SLC35F4: variants seen among roughly 807,000 people sequenced by gnomAD.
The protein encoded by SLC35F4 is solute carrier family 35 member F4, also known as chromosome 14 open reading frame 36.
Under a neutral mutation model 44.2 loss-of-function variants are expected in SLC35F4, and 24 were observed. The ratio of observed to expected loss-of-function variants is 0.54; its 90% CI spans 0.39 to 0.76. The LOEUF (loss-of-function observed/expected upper bound fraction) is 0.76. Among genes scored for constraint, SLC35F4 ranks in the 30% least tolerant of loss-of-function variants. The pLI is 0.00. For missense variants in SLC35F4, 562 were observed against 586.1 expected (o/e 0.96, Z 0.42); for synonymous variants, 238 against 223.6 (o/e 1.06, Z -0.57).
At chr14:57,834,936 G>A (rs923889517) in intron 1 of SLC35F4, among the ~76,000 whole-genome samples, 1 of 152,236 alleles carries the variant, frequency 6.6e-6, no homozygotes, top group Non-Finnish European at 1.5e-5. Flanking sequence ...GGCTGAGGCA[G>A]GAGAATTGCT....
chr14:57,896,922 T>C (rs1157314053), intron 1 of SLC35F4, among the ~76,000 whole-genome samples: 6 of 152,186 alleles, frequency 3.9e-5, no homozygotes, highest in African/African-American at 1.4e-4. Context: ...TTTTCATTGA[T>C]TAGGCCATAA....
intron 1 of SLC35F4, among the ~76,000 whole-genome samples, chr14:57,943,488 A>T (rs1346291982): frequency 6.6e-6 from 1 of 152,206 alleles, no homozygotes; most frequent in Non-Finnish European, 1.5e-5. Context: ...TTTCTAGTTC[A>T]TATATTTCCT....
At chr14:57,714,287 G>C (rs529793473) in intron 1 of SLC35F4, among the ~76,000 whole-genome samples, 5 of 152,098 alleles carry the variant, frequency 3.3e-5, no homozygotes, top group African/African-American at 4.8e-5. Flanking sequence ...GAAAATAGGA[G>C]AGTTTTGCCT....
At chr14:57,829,918 A>G (rs1179903320) in intron 1 of SLC35F4, among the ~76,000 whole-genome samples, 3 of 152,204 alleles carry the variant, frequency 2.0e-5, no homozygotes, top group African/African-American at 7.2e-5. Context: ...TTTTAACAGG[A>G]GAGTGACTTT....
chr14:57,710,549 G>T (rs2075792661), intron 1 of SLC35F4, among the ~76,000 whole-genome samples: 1 of 152,102 alleles, frequency 6.6e-6, no homozygotes, highest in Non-Finnish European at 1.5e-5. Flanking sequence ...CATGCACCTG[G>T]AAAAGCCACA....
intron 1 of SLC35F4, among the ~76,000 whole-genome samples, chr14:57,952,118 C>G (rs190560791): frequency 4.7e-4 from 71 of 152,310 alleles, no homozygotes; most frequent in Admixed American, 8.5e-4. Context: ...TGTTTTGCAG[C>G]CTTCGCTGGT....
intron 1 of SLC35F4, among the ~76,000 whole-genome samples, chr14:57,847,375 G>C (rs553575028): frequency 6.6e-6 from 1 of 152,124 alleles, no homozygotes; most frequent in East Asian, 1.9e-4. Context: ...TCTTATACTG[G>C]TAAGGGATAA....
At chr14:57,740,223 A>T (rs926310861) in intron 1 of SLC35F4, among the ~76,000 whole-genome samples, 2 of 151,662 alleles carry the variant, frequency 1.3e-5, no homozygotes, top group Non-Finnish European at 3.0e-5. Flanking sequence ...AGAATGATAT[A>T]AAAAAACCAC....
chr14:57,741,404 T>G (rs573159462), intron 1 of SLC35F4, among the ~76,000 whole-genome samples: 2 of 152,258 alleles, frequency 1.3e-5, no homozygotes, highest in Admixed American at 6.5e-5. Flanking sequence ...AATGACCTGA[T>G]GGAGCTGAAA....
intron 1 of SLC35F4, among the ~76,000 whole-genome samples, chr14:57,922,511 C>A (rs1041351570): frequency 4.3e-4 from 66 of 152,116 alleles, no homozygotes; most frequent in African/African-American, 1.6e-3. Context: ...TTTCCTAGGG[C>A]AAAGGAGGAG....
At chr14:57,699,976 AC>A (rs2075490967) in intron 1 of SLC35F4, among the ~76,000 whole-genome samples, 1 of 152,202 alleles carries the variant, frequency 6.6e-6, no homozygotes, top group African/African-American at 2.4e-5. Context: ...TGCAGGAGAT[AC>A]ATTCCAGGAT....
At chr14:57,861,123 C>A (rs1459016971) in intron 1 of SLC35F4, among the ~76,000 whole-genome samples, 1 of 152,058 alleles carries the variant, frequency 6.6e-6, no homozygotes, top group Non-Finnish European at 1.5e-5. Flanking sequence ...TTCCCCAGTC[C>A]ATTCACTCTC....
At chr14:57,868,921 T>C (rs1888238767), upstream of SLC35F4, among the ~76,000 whole-genome samples, 1 of 152,212 alleles carries the variant, frequency 6.6e-6, no homozygotes, top group South Asian at 2.1e-4. Flanking sequence ...TAAATGAAGA[T>C]TGAAGGTCAT....
chr14:57,689,599 T>C (rs1392795177), intron 1 of SLC35F4, among the ~76,000 whole-genome samples: 1 of 152,180 alleles, frequency 6.6e-6, no homozygotes, highest in South Asian at 2.1e-4. Context: ...CTTAAGAATT[T>C]TCAATGGCTA....
At chr14:57,644,960 G>A (rs2073431590) in intron 1 of SLC35F4, among the ~76,000 whole-genome samples, 1 of 152,138 alleles carries the variant, frequency 6.6e-6, no homozygotes, top group Admixed American at 6.5e-5. Flanking sequence ...TGAGAGCTCT[G>A]TTTTGTTCCA....
At chr14:57,881,773 T>C (rs1347716931) in intron 1 of SLC35F4, among the ~76,000 whole-genome samples, 1 of 151,152 alleles carries the variant, frequency 6.6e-6, no homozygotes, top group African/African-American at 2.5e-5. Flanking sequence ...ACCCCTACTA[T>C]GTAGATTTGG....
chr14:57,582,358 G>A (rs2069345686), intron 3 of SLC35F4, among the ~76,000 whole-genome samples: 1 of 152,030 alleles, frequency 6.6e-6, no homozygotes, highest in Non-Finnish European at 1.5e-5. Flanking sequence ...ACCATGCCAG[G>A]CTAGTTTTTG....
In SLC35F4 at chr14:57,581,393, T is replaced by G. The variant is rs1046716519; in HGVS notation, c.628A>C (p.Lys210Gln). The change falls in exon 4 of 8, where the codon AAA (lysine) becomes CAA (glutamine). Residue 210 changes from lysine to glutamine, a missense_variant. Physicochemically the swap from Lys to Gln is moderately conservative, Grantham distance 53. Coordinates refer to ENST00000556826, the MANE Select transcript of SLC35F4 (RefSeq NM_001306087.2). ...GGAGCAGTTCTTTTAAGAAAGAGTT[T>G]CAGCGTCAGACCATCTTCACCAAAA... ...RIFGEDGLTL[K>Q]LFLKRTAPFS... The G allele has an allele frequency of 1.2e-6, 2 of 1,612,730 alleles. No individual in the cohort carries two copies. The highest frequency in any genetic ancestry group is 1.3e-5 in the African/African-American group (1 of 75,058).
intron 1 of SLC35F4, among the ~76,000 whole-genome samples, chr14:57,899,729 G>C (rs1354996196): frequency 1.3e-5 from 2 of 152,104 alleles, no homozygotes; most frequent in Non-Finnish European, 2.9e-5. Context: ...TGCTTTGGTG[G>C]CATTCTTGGG....
Sources: allele counts gnomAD v4.1 joint callset (sites outside exome capture counted in the v4.1 genomes callset), GRCh38; gene constraint gnomAD v4.1.1; transcripts MANE v1.5; gene names NCBI Gene and HGNC (gene_info 2026-07-23, HGNC 2026-07-21).